MBOAT7: variants seen among roughly 807,000 people sequenced by gnomAD.
The protein encoded by MBOAT7 is membrane-bound acylglycerophosphatidylinositol O-acyltransferase MBOAT7.
In MBOAT7, 40 loss-of-function variants were observed where a neutral mutation model predicts 47.4. The observed-to-expected ratio is 0.84, with a 90% CI of 0.66 to 1.10. The LOEUF is 1.10. Ranked by LOEUF, MBOAT7 falls within the 50% of genes least tolerant of loss-of-function variation. The pLI, the probability that MBOAT7 is intolerant of heterozygous loss-of-function variation, is 0.00. For synonymous variants in MBOAT7, 361 were observed against 292.0 expected (o/e 1.24, Z -2.41); for missense variants, 680 against 655.6 (o/e 1.04, Z -0.41).
chr19:54,186,463 C>A (rs2076429998), intron 4 of MBOAT7, among the ~76,000 whole-genome samples: 1 of 152,196 alleles, frequency 6.6e-6, no homozygotes, highest in South Asian at 2.1e-4. Context: ...CGGTGTCAGC[C>A]CTGCTGCCTG....
At position 54,180,484 on chromosome 19, in the gene MBOAT7, A is replaced by C; in HGVS notation, c.854+289T>G. ...TGGGGGGTGACACTTCTGTGGCAAC[A>C]GAGGGGTGGCACAGGGTTGCTAAGT... On this transcript the variant is annotated intron_variant, in intron 6 of 7. Transcript: ENST00000245615. The surrounding 1 kb of genome is among the most constrained non-coding windows in gnomAD (Gnocchi z 5.2). The C allele has an allele frequency of 2.7e-6, 1 of 366,034 alleles. No individual in the cohort carries two copies. The allele number at this position is 366,034 out of a possible 1,614,324, so 22.7% of individuals were successfully genotyped here.
chr19:54,173,931 G>A lies in MBOAT7; in HGVS notation c.*113C>T, dbSNP rs2075988990. 1.5e-6 allele frequency: 2 copies of A among 1,310,722 alleles called. No homozygotes were observed. The highest frequency in any genetic ancestry group is 1.6e-5 in the South Asian group (1 of 64,230). The allele number at this position is 1,310,722 out of a possible 1,614,324, so 81.2% of individuals were successfully genotyped here. A position where few individuals can be genotyped will look rare whatever the true frequency, so the allele number is the denominator to read the frequency against. Reference sequence around the variant, plus strand: ...GCAGGCAGGGTATTTAGCTGGGGAAGAGGAAATTCTCTCCAGGACCCTCTC... The same window carrying A: ...GCAGGCAGGGTATTTAGCTGGGGAAAAGGAAATTCTCTCCAGGACCCTCTC... On this transcript the variant is annotated 3_prime_UTR_variant, in exon 8 of 8. Coordinates refer to ENST00000245615, the MANE Select transcript of MBOAT7 (RefSeq NM_024298.5).
Position 54,189,055 on chromosome 19 carries a change from C to T in MBOAT7, c.-4+283G>A, listed in dbSNP as rs574381094. 6.1e-4 allele frequency: 93 copies of T among 152,832 alleles called. 2 individuals are homozygous for T. In the South Asian group the frequency reaches 0.018, roughly 29 times the overall value. The allele number at this position is 152,832 out of a possible 1,614,324, so 9.5% of individuals were successfully genotyped here. Reference sequence around the variant, plus strand: ...CCCCCCAGCCCTTCTCCTTCGAGACCACCCAGAGGAGCCCGGGTCTCCAAC... The same window carrying T: ...CCCCCCAGCCCTTCTCCTTCGAGACTACCCAGAGGAGCCCGGGTCTCCAAC... On this transcript the variant is annotated intron_variant, in intron 1 of 7. Transcript: ENST00000245615.
At chr19:54,187,075 C>G in intron 4 of MBOAT7, 86 bp downstream of exon 4, 1 of 1,460,218 alleles carries the variant, frequency 6.8e-7, no homozygotes, top group Non-Finnish European at 9.1e-7. Flanking sequence ...GGTAAAATCC[C>G]GGGGAGCCAC....
intron 4 of MBOAT7, among the ~76,000 whole-genome samples, chr19:54,185,691 CTTTT>C (rs981531310): frequency 2.1e-5 from 3 of 146,266 alleles, no homozygotes; most frequent in African/African-American, 5.5e-5. Flanking sequence ...AGTTTTCTTT[CTTTT>C]CTTTTCTTTT....
chr19:54,178,133 A>G (rs1311557650), intron 7 of MBOAT7: 1 of 618,564 alleles, frequency 1.6e-6, no homozygotes, highest in Non-Finnish European at 2.0e-6. Flanking sequence ...GCTGGTCTCG[A>G]ACTCCTGACC....
Position 54,189,352 on chromosome 19 carries a change from G to C in MBOAT7, c.-18C>G, listed in dbSNP as rs1021149981. ...CCCTGGCCCACCTGAGCTGCTCGCC[G>C]GGCAGGAGGCGGCCGAGCAGTCCCA... On this transcript the variant is annotated 5_prime_UTR_variant, in exon 1 of 8. Transcript: ENST00000245615. The C allele has an allele frequency of 2.0e-5, 3 of 152,398 alleles. No individual in the cohort carries two copies. The highest frequency in any genetic ancestry group is 1.3e-4 in the Admixed American group (2 of 15,286). The allele number at this position is 152,398 out of a possible 1,614,324, so 9.4% of individuals were successfully genotyped here. A position where few individuals can be genotyped will look rare whatever the true frequency, so the allele number is the denominator to read the frequency against.
rs946722064 is a variant in MBOAT7, at chr19:54,188,572, C to T, written c.-3-61G>A. ...GGAATCCAGGCCCCCTGCCTCCTCC[C>T]TCTTCGAGGATCCAGGAACCCAGCC... On this transcript the variant is annotated intron_variant, in intron 1 of 7. Transcript: ENST00000245615. 1.7e-5 allele frequency: 26 copies of T among 1,488,708 alleles called. No homozygotes were observed. In the Admixed American group the frequency reaches 4.7e-4, roughly 27 times the overall value. The allele number at this position is 1,488,708 out of a possible 1,614,324, so 92.2% of individuals were successfully genotyped here.
chr19:54,180,988 C>T lies in MBOAT7; in HGVS notation c.639G>A (p.Pro213=), dbSNP rs371233526. The part of the protein sequence containing the change: ...LLFLLSSHLF[P]LEAVREDAFY... ...AGGCGTCCTCGCGCACGGCCTCCAGCGGGAAGAGGTGAGAGGAGAGCAGGA... is the reference window on the plus strand; with the variant it reads ...AGGCGTCCTCGCGCACGGCCTCCAGTGGGAAGAGGTGAGAGGAGAGCAGGA... Residue 213 remains proline, a synonymous_variant, in exon 6 of 8, where the codon CCG becomes CCA. Transcript: ENST00000245615. The surrounding 1 kb of genome is among the most constrained non-coding windows in gnomAD (Gnocchi z 5.2). 3.3e-5 allele frequency: 52 copies of T among 1,564,620 alleles called. No individual in the cohort carries two copies. The highest frequency in any genetic ancestry group is 3.9e-5 in the Admixed American group (2 of 51,178).
Position 54,183,579 on chromosome 19 carries a change from G to A in MBOAT7, c.435C>T (p.Asp145=), listed in dbSNP as rs371173238. Residue 145 remains aspartate (D), a synonymous_variant, in exon 5 of 8, where the codon GAC becomes GAT. Coordinates refer to ENST00000245615, the MANE Select transcript of MBOAT7 (RefSeq NM_024298.5). The part of the protein sequence containing the change: ...SKGPTLGLLP[D]VPSLMETLSY... ...TGAGTGTCTCCATCAGGGAGGGCAC[G>A]TCGGGCAGCAGCCCCAGGGTGGGCC... 9.9e-6 allele frequency: 16 copies of A among 1,608,348 alleles called. No homozygotes were observed. Among genetic ancestry groups the A allele is most frequent in the African/African-American group, 1.3e-5 (1 of 74,654 alleles).
chr19:54,185,277 T>C (rs573400273), intron 4 of MBOAT7, among the ~76,000 whole-genome samples: 58 of 152,064 alleles, frequency 3.8e-4, no homozygotes, highest in African/African-American at 1.4e-3. Context: ...AGGCTGGTCT[T>C]AAACTCCTGG....
chr19:54,181,733 AGGAGGGAGGGAG>A (rs1348042127), intron 5 of MBOAT7, among the ~76,000 whole-genome samples: 1 of 29,866 alleles, frequency 3.3e-5, no homozygotes. Context: ...GAGGGAAGGA[AGGAGGGAGGGAG>A]GGAAGGAGGG....
chr19:54,173,476 G>A lies in MBOAT7; in HGVS notation c.*568C>T, dbSNP rs891463207. On this transcript the variant is annotated 3_prime_UTR_variant, in exon 8 of 8. Coordinates refer to ENST00000245615, the MANE Select transcript of MBOAT7 (RefSeq NM_024298.5). ...GGTGACCTGTCATAGGCCAAGCGATGAGAAGAGGGCGCCAGGAGTGCTGGG... is the reference window on the plus strand; with the variant it reads ...GGTGACCTGTCATAGGCCAAGCGATAAGAAGAGGGCGCCAGGAGTGCTGGG... 21 of 202,928 alleles carry A rather than the reference G, an allele frequency of 1.0e-4. No homozygotes were observed. Among genetic ancestry groups the A allele is most frequent in the Non-Finnish European group, 1.6e-4 (16 of 100,102 alleles). 12.6% of individuals were successfully genotyped at this position (202,928 alleles called of 1,614,324 possible).
intron 7 of MBOAT7, among the ~76,000 whole-genome samples, chr19:54,176,098 A>G (rs976740404): frequency 1.1e-4 from 16 of 151,852 alleles, no homozygotes; most frequent in Admixed American, 3.3e-4. Context: ...CTTGTGATCC[A>G]CCCACCTTGG....
chr19:54,184,451 T>C (rs2147016660), intron 4 of MBOAT7, among the ~76,000 whole-genome samples: 1 of 152,228 alleles, frequency 6.6e-6, no homozygotes, highest in East Asian at 1.9e-4. Flanking sequence ...TAGATCTCCT[T>C]CTTCCAGCTT....
At chr19:54,177,246 TAATTA>T (rs973120974) in intron 7 of MBOAT7, among the ~76,000 whole-genome samples, 3 of 151,982 alleles carry the variant, frequency 2.0e-5, no homozygotes, top group Non-Finnish European at 2.9e-5. Context: ...CACATTTATC[TAATTA>T]AATTAAATTA....
intron 3 of MBOAT7, among the ~76,000 whole-genome samples, 192 bp downstream of exon 3, chr19:54,188,025 G>GA (rs1308123430): frequency 1.4e-5 from 1 of 72,012 alleles, no homozygotes; most frequent in African/African-American, 5.9e-5. Context: ...CAGAAAGAAA[G>GA]AAAGAAAGAA....
At chr19:54,186,757 G>A (rs964985978) in intron 4 of MBOAT7, among the ~76,000 whole-genome samples, 6 of 152,154 alleles carry the variant, frequency 3.9e-5, no homozygotes, top group Non-Finnish European at 5.9e-5. Flanking sequence ...CTCTTCCCAG[G>A]TGATTAGGAG....
At chr19:54,179,464 G>C (rs2076206953) in intron 6 of MBOAT7, 1 of 156,238 alleles carries the variant, frequency 6.4e-6, no homozygotes, top group African/African-American at 2.4e-5. Flanking sequence ...TGTTTAGAAA[G>C]GCTTTTAGGA....
Sources: gnomAD v4.1 joint callset for allele counts (sites outside exome capture counted in the v4.1 genomes callset) on GRCh38, gnomAD v4.1.1 for gene constraint, Gnocchi (gnomAD v3.1) non-coding constraint, MANE v1.5 for transcripts, NCBI Gene and HGNC (gene_info 2026-07-23, HGNC 2026-07-21) for gene names.